Variants in COL24A1 observed in about 807,000 individuals in gnomAD.
COL24A1 encodes collagen type XXIV alpha 1 chain.
Under a neutral mutation model 253.9 loss-of-function variants are expected in COL24A1, and 224 were observed. The observed-to-expected ratio is 0.88, with a 90% CI of 0.79 to 0.99. COL24A1 has a LOEUF of 0.99. COL24A1 is among the 50% of genes least tolerant of loss of function. COL24A1 has a pLI of 0.00. For missense variants in COL24A1, 2,131 were observed against 2,068.5 expected (o/e 1.03, Z -0.59); for synonymous variants, 685 against 673.7 (o/e 1.02, Z -0.26).
chr1:85,809,415 T>G (rs1222301763), intron 47 of COL24A1, among the ~76,000 whole-genome samples: 3 of 152,226 alleles, frequency 2.0e-5, no homozygotes, highest in African/African-American at 7.2e-5. Flanking sequence ...AAAGTTAGCT[T>G]GGCCTTTGCC....
At chr1:85,777,026 T>G (rs372155128) in intron 52 of COL24A1, among the ~76,000 whole-genome samples, 1 of 151,964 alleles carries the variant, frequency 6.6e-6, no homozygotes, top group African/African-American at 2.4e-5. Context: ...CTCAGCTCAC[T>G]ACAACCTCCA....
chr1:85,785,526 T>A (rs1669588943), intron 48 of COL24A1, among the ~76,000 whole-genome samples: 1 of 152,228 alleles, frequency 6.6e-6, no homozygotes. Flanking sequence ...AATTCAAGCC[T>A]AAAACATGGG....
intron 43 of COL24A1, among the ~76,000 whole-genome samples, chr1:85,834,842 T>G (rs570834751): frequency 6.6e-6 from 1 of 152,334 alleles, no homozygotes; most frequent in East Asian, 1.9e-4. Flanking sequence ...TATCTTGATC[T>G]ATGTGATGTA....
chr1:85,884,745 T>G lies in COL24A1; in HGVS notation c.2976+4815A>C, dbSNP rs373238043. 2.6e-3 allele frequency among the ~76,000 whole-genome samples: 393 copies of G among 152,284 alleles called. 6 individuals are homozygous for G. The highest frequency in any genetic ancestry group is 8.9e-3 in the African/African-American group (371 of 41,572). On this transcript the variant is annotated intron_variant, in intron 32 of 59. Transcript: ENST00000370571. ...CCAGTTTATTCTCTGATAAATAATT[T>G]CCCTGGAGGGCAAGAACTGTTAAGG...
chr1:85,765,785 T>G (rs1405504637), intron 53 of COL24A1, among the ~76,000 whole-genome samples: 1 of 152,110 alleles, frequency 6.6e-6, no homozygotes, highest in African/African-American at 2.4e-5. Flanking sequence ...TAGGATATCA[T>G]TTCTGCTATA....
chr1:85,987,119 T>C (rs1693784248), intron 20 of COL24A1, among the ~76,000 whole-genome samples: 1 of 151,874 alleles, frequency 6.6e-6, no homozygotes, highest in South Asian at 2.1e-4. Flanking sequence ...GTCATCATGA[T>C]GAGTTTCAAT....
Position 86,124,833 on chromosome 1 carries a change from A to T in COL24A1, c.1491+12T>A. The T allele has an allele frequency of 6.6e-7, 1 of 1,520,418 alleles. No homozygotes were observed. Among genetic ancestry groups the T allele is most frequent in the East Asian group, 2.3e-5 (1 of 44,258 alleles). 94.2% of individuals were successfully genotyped at this position (1,520,418 alleles called of 1,614,324 possible). On this transcript the variant is annotated intron_variant, in intron 3 of 59. Transcript: ENST00000370571. ...TAGCATATTAGGAGATATTAAAAAA[A>T]AAAAAACTTACGGGAGGTCCAGTGT...
At chr1:85,949,606 CTT>C (rs1464540247) in intron 24 of COL24A1, among the ~76,000 whole-genome samples, 1 of 152,096 alleles carries the variant, frequency 6.6e-6, no homozygotes, top group Non-Finnish European at 1.5e-5. Flanking sequence ...TCCTAAATAT[CTT>C]TTATAACTTT....
At chr1:86,106,470 C>A (rs1260364925) in intron 5 of COL24A1, among the ~76,000 whole-genome samples, 1 of 152,052 alleles carries the variant, frequency 6.6e-6, no homozygotes, top group South Asian at 2.1e-4. Flanking sequence ...CTCCAAGAGG[C>A]CTTTTTTTGG....
chr1:85,927,323 C>G (rs961106948), intron 24 of COL24A1, among the ~76,000 whole-genome samples: 3 of 152,062 alleles, frequency 2.0e-5, no homozygotes, highest in South Asian at 2.1e-4. Context: ...GGGTGACGGA[C>G]GGCACCTGGA....
At chr1:86,134,697 C>A (rs1649921842) in intron 2 of COL24A1, among the ~76,000 whole-genome samples, 1 of 119,556 alleles carries the variant, frequency 8.4e-6, no homozygotes, top group African/African-American at 3.1e-5. Context: ...AGTTTGACTG[C>A]ACTGTGGCCT....
intron 53 of COL24A1, among the ~76,000 whole-genome samples, chr1:85,775,397 C>T (rs1347760745): frequency 6.6e-6 from 1 of 152,080 alleles, no homozygotes; most frequent in African/African-American, 2.4e-5. Context: ...CCGCTTGGTC[C>T]AGAGCTGAGT....
intron 1 of COL24A1, among the ~76,000 whole-genome samples, chr1:86,150,894 C>T (rs1308807836): frequency 6.6e-6 from 1 of 152,118 alleles, no homozygotes; most frequent in Non-Finnish European, 1.5e-5. Context: ...ACTCATCTAT[C>T]ATGTGATGAC....
At chr1:85,864,637 C>T (rs1283918176) in intron 37 of COL24A1, among the ~76,000 whole-genome samples, 3 of 152,084 alleles carry the variant, frequency 2.0e-5, no homozygotes, top group Non-Finnish European at 4.4e-5. Flanking sequence ...ATCTTCTCAT[C>T]TTTATGACTT....
intron 7 of COL24A1, among the ~76,000 whole-genome samples, chr1:86,068,970 T>A (rs1462815815): frequency 6.6e-6 from 1 of 152,126 alleles, no homozygotes; most frequent in East Asian, 1.9e-4. Flanking sequence ...TAACCACCAA[T>A]GATACCCAGT....
intron 5 of COL24A1, among the ~76,000 whole-genome samples, chr1:86,102,378 A>T (rs1310412785): frequency 1.3e-5 from 2 of 151,980 alleles, no homozygotes; most frequent in Non-Finnish European, 2.9e-5. Flanking sequence ...GCATGTCTCA[A>T]TCTCCTTCAG....
chr1:85,821,329 G>T (rs1276505237), intron 45 of COL24A1, among the ~76,000 whole-genome samples: 1 of 152,032 alleles, frequency 6.6e-6, no homozygotes, highest in Non-Finnish European at 1.5e-5. Flanking sequence ...CAAGTAATAG[G>T]CTTCTTCATA....
chr1:85,776,927 T>TA (rs927082866), intron 52 of COL24A1, among the ~76,000 whole-genome samples: 2 of 151,704 alleles, frequency 1.3e-5, no homozygotes, highest in Non-Finnish European at 2.9e-5. Context: ...GGTATTAACT[T>TA]AAAAAAAACT....
chr1:86,016,867 G>A (rs1697038360), intron 19 of COL24A1, among the ~76,000 whole-genome samples: 1 of 152,154 alleles, frequency 6.6e-6, no homozygotes, highest in African/African-American at 2.4e-5. Context: ...CCTGAAATTT[G>A]GTTCCAAGCC....
Sources: allele counts gnomAD v4.1 joint callset (sites outside exome capture counted in the v4.1 genomes callset), GRCh38; gene constraint gnomAD v4.1.1; transcripts MANE v1.5; gene names NCBI Gene and HGNC (gene_info 2026-07-23, HGNC 2026-07-21).